NLGN1: variants seen among roughly 807,000 people sequenced by gnomAD.
NLGN1 encodes neuroligin-1.
In NLGN1, 12 loss-of-function variants were observed where a neutral mutation model predicts 65.5. That is an observed-to-expected ratio of 0.18 (90% confidence interval 0.12 to 0.30). The LOEUF (loss-of-function observed/expected upper bound fraction) is 0.30. NLGN1 is among the 10% of genes least tolerant of loss of function. The pLI, the probability that NLGN1 is intolerant of heterozygous loss-of-function variation, is 1.00. For missense variants in NLGN1, 750 were observed against 1,007.1 expected (o/e 0.74, Z 3.46); for synonymous variants, 350 against 359.5 (o/e 0.97, Z 0.30).
At chr3:173,573,776 T>C (rs889512124) in intron 2 of NLGN1, among the ~76,000 whole-genome samples, 1 of 151,054 alleles carries the variant, frequency 6.6e-6, no homozygotes. Context: ...CAAAAAAAGA[T>C]GAAAAGGCCG....
intron 3 of NLGN1, among the ~76,000 whole-genome samples, chr3:173,762,228 G>T (rs1560317680): frequency 6.6e-6 from 1 of 151,932 alleles, no homozygotes; most frequent in Non-Finnish European, 1.5e-5. Flanking sequence ...TAGATTCCAG[G>T]GACTCATGTT....
chr3:173,587,141 C>A (rs1274926372), intron 2 of NLGN1, among the ~76,000 whole-genome samples: 2 of 152,084 alleles, frequency 1.3e-5, no homozygotes, highest in Non-Finnish European at 2.9e-5. Context: ...ATTGCATGTG[C>A]CATAGTGTTA....
At chr3:174,095,504 T>C (rs1404598915) in intron 4 of NLGN1, among the ~76,000 whole-genome samples, 1 of 150,486 alleles carries the variant, frequency 6.6e-6, no homozygotes, top group Non-Finnish European at 1.5e-5. Context: ...TGTAGAATTA[T>C]GGAGGTGACA....
At chr3:173,603,621 G>A (rs1750915980) in intron 2 of NLGN1, among the ~76,000 whole-genome samples, 1 of 151,990 alleles carries the variant, frequency 6.6e-6, no homozygotes, top group South Asian at 2.1e-4. Flanking sequence ...TGTATCTAAT[G>A]CCATTTTCTC....
intron 3 of NLGN1, among the ~76,000 whole-genome samples, chr3:173,800,535 A>G (rs1195017858): frequency 1.3e-5 from 2 of 151,634 alleles, no homozygotes; most frequent in African/African-American, 2.4e-5. Context: ...TAAAAAATTA[A>G]TATTAAGTTT....
At chr3:173,962,266 A>G (rs114058566) in intron 4 of NLGN1, among the ~76,000 whole-genome samples, 1,954 of 152,148 alleles carry the variant, frequency 0.013, 41 homozygotes, top group African/African-American at 0.044. Context: ...ATTATTTTCT[A>G]TTGTCTTCAG....
chr3:173,587,378 A>G (rs16827944), intron 2 of NLGN1, among the ~76,000 whole-genome samples: 4,067 of 152,236 alleles, frequency 0.027, 171 homozygotes, highest in African/African-American at 0.089. Flanking sequence ...TAGTAAATCC[A>G]CTTTGGAAAG....
Position 173,465,290 on chromosome 3 carries a change from G to A in NLGN1, c.-321+30212G>A, listed in dbSNP as rs1036438937. On this transcript the variant is annotated intron_variant, in intron 2 of 6. Coordinates refer to ENST00000457714, the Ensembl canonical transcript of NLGN1. ...ATGCTTAGGAAAAACACCCAAATGAGCAATCCACTTTAGTTGTTGCTGAGA... is the reference window on the plus strand; with the variant it reads ...ATGCTTAGGAAAAACACCCAAATGAACAATCCACTTTAGTTGTTGCTGAGA... 7.9e-5 allele frequency among the ~76,000 whole-genome samples: 12 copies of A among 152,126 alleles called. No homozygotes were observed. In the East Asian group the frequency reaches 2.3e-3, roughly 29 times the overall value.
At chr3:173,502,350 A>G (rs1731279875) in intron 2 of NLGN1, among the ~76,000 whole-genome samples, 1 of 152,108 alleles carries the variant, frequency 6.6e-6, no homozygotes, top group Admixed American at 6.6e-5. Context: ...AGTAATTTCA[A>G]TGAAATGTGA....
intron 2 of NLGN1, among the ~76,000 whole-genome samples, chr3:173,518,399 T>C (rs1230306718): frequency 1.3e-5 from 2 of 151,448 alleles, no homozygotes; most frequent in Non-Finnish European, 2.9e-5. Flanking sequence ...TATTTATATG[T>C]ATATACATAT....
chr3:174,079,276 CAT>C (rs1352673344), intron 4 of NLGN1, among the ~76,000 whole-genome samples: 1 of 151,934 alleles, frequency 6.6e-6, no homozygotes, highest in Admixed American at 6.6e-5. Flanking sequence ...GGCCAACACT[CAT>C]ATGAAAAAAA....
intron 4 of NLGN1, among the ~76,000 whole-genome samples, chr3:174,248,980 C>T (rs13088391): frequency 0.33 from 49,993 of 152,018 alleles, 8,828 homozygotes; most frequent in East Asian, 0.58. Context: ...TCCAGGAAAT[C>T]TGCGATGCTG....
chr3:173,980,470 G>A (rs1405299474), intron 4 of NLGN1, among the ~76,000 whole-genome samples: 1 of 151,716 alleles, frequency 6.6e-6, no homozygotes, highest in African/African-American at 2.4e-5. Context: ...TAATATACAT[G>A]GCCATTCCCC....
intron 3 of NLGN1, among the ~76,000 whole-genome samples, chr3:173,698,018 C>G (rs1437988890): frequency 8.3e-6 from 1 of 119,852 alleles, no homozygotes; most frequent in Non-Finnish European, 1.7e-5. Flanking sequence ...CGCATAAGGA[C>G]AAAGCTTAAA....
intron 2 of NLGN1, among the ~76,000 whole-genome samples, chr3:173,529,002 A>T (rs527743400): frequency 3.3e-5 from 5 of 152,304 alleles, no homozygotes; most frequent in African/African-American, 1.2e-4. Flanking sequence ...GTTTCACAGC[A>T]TTCAGATTTT....
chr3:173,871,148 C>T (rs1731087161), intron 4 of NLGN1, among the ~76,000 whole-genome samples: 1 of 152,130 alleles, frequency 6.6e-6, no homozygotes, highest in Non-Finnish European at 1.5e-5. Context: ...GGCTGCTGAA[C>T]ATGTGGTGAT....
At position 173,955,322 on chromosome 3, in the gene NLGN1, G is replaced by GA. The variant is rs201075781; in HGVS notation, c.646+147497dup. Among the ~76,000 whole-genome samples the GA allele has an allele frequency of 9.4e-4, 143 of 152,146 alleles. 1 individual carries two copies. The East Asian group carries it at 0.012, about 12-fold the overall frequency. ...CATTAATACTGTTCTCTCTCAGGGAGAAAAAAATAAAGAATTGTGTGTGGC... is the reference window on the plus strand; with the variant it reads ...CATTAATACTGTTCTCTCTCAGGGAGAAAAAAAATAAAGAATTGTGTGTGGC... On this transcript the variant is annotated intron_variant, in intron 4 of 6. Coordinates refer to ENST00000457714, the Ensembl canonical transcript of NLGN1.
intron 4 of NLGN1, among the ~76,000 whole-genome samples, chr3:173,885,846 C>T (rs915469910): frequency 6.6e-6 from 1 of 151,994 alleles, no homozygotes; most frequent in African/African-American, 2.4e-5. Context: ...TTAATGGATT[C>T]ATAAATACTG....
At chr3:173,700,070 G>A (rs1415643297) in intron 3 of NLGN1, among the ~76,000 whole-genome samples, 2 of 152,188 alleles carry the variant, frequency 1.3e-5, no homozygotes, top group Non-Finnish European at 2.9e-5. Flanking sequence ...CTTTTGGGAA[G>A]TAACTGGATA....
Sources: allele counts gnomAD v4.1 joint callset (sites outside exome capture counted in the v4.1 genomes callset), GRCh38; gene constraint gnomAD v4.1.1; transcripts MANE v1.5; gene names NCBI Gene and HGNC (gene_info 2026-07-23, HGNC 2026-07-21).